USP47: variants seen among roughly 807,000 people sequenced by gnomAD.
USP47 encodes the protein ubiquitin carboxyl-terminal hydrolase 47.
Under a neutral mutation model 165.1 loss-of-function variants are expected in USP47, and 35 were observed. The ratio of observed to expected loss-of-function variants is 0.21; its 90% CI spans 0.16 to 0.28. The LOEUF is 0.28. Ranked by LOEUF, USP47 falls within the 10% of genes least tolerant of loss-of-function variation. The pLI is 1.00. For synonymous variants in USP47, 531 were observed against 544.5 expected (o/e 0.98, Z 0.35); for missense variants, 1,277 against 1,607.4 (o/e 0.79, Z 3.52).
At chr11:11,954,989 C>CT (rs759973769) in intron 26 of USP47, 45 bp downstream of exon 26, 10 of 1,613,404 alleles carry the variant, frequency 6.2e-6, no homozygotes, top group Non-Finnish European at 8.5e-6. Flanking sequence ...GCATGATAAA[C>CT]ACAGCTAGTG....
intron 8 of USP47, among the ~76,000 whole-genome samples, chr11:11,911,250 G>T (rs906230499): frequency 6.6e-6 from 1 of 152,094 alleles, no homozygotes; most frequent in African/African-American, 2.4e-5. Context: ...AAAAGGTTTA[G>T]CACTGTGTCA....
intron 1 of USP47, chr11:11,873,834 A>G: frequency 6.7e-7 from 1 of 1,490,854 alleles, no homozygotes; most frequent in Non-Finnish European, 8.9e-7. Flanking sequence ...AATATCTTTG[A>G]TGAAATGAAG....
At chr11:11,891,843 G>C in intron 3 of USP47, 125 bp from the exon 4 acceptor site, 1 of 1,170,842 alleles carries the variant, frequency 8.5e-7, no homozygotes, top group South Asian at 2.0e-5. Context: ...TTGGAAGGGG[G>C]CATGAGCACC....
intron 1 of USP47, among the ~76,000 whole-genome samples, chr11:11,848,013 A>C (rs139866351): frequency 6.6e-6 from 1 of 152,368 alleles, no homozygotes; most frequent in Non-Finnish European, 1.5e-5. Flanking sequence ...AAAGATGCTA[A>C]GTAACTTGCT....
At chr11:11,911,306 A>C (rs1346159888) in intron 8 of USP47, among the ~76,000 whole-genome samples, 1 of 152,194 alleles carries the variant, frequency 6.6e-6, no homozygotes, top group Non-Finnish European at 1.5e-5. Context: ...TGTGTCATTA[A>C]AGTCCTGAAA....
rs1029355801 is a variant in USP47, at chr11:11,957,346, A to T, written c.*1171A>T. On this transcript the variant is annotated 3_prime_UTR_variant, in exon 28 of 28. Coordinates refer to ENST00000527733, the MANE Select transcript of USP47 (RefSeq NM_001282659.2). ...TGATTTCATTGCAGAGTTTATTAGT[A>T]TCAGCAAGTTTTTGCTTTGCTAAAT... 7.0e-4 allele frequency: 107 copies of T among 152,632 alleles called. 7 individuals carry two copies. Among genetic ancestry groups the T allele is most frequent in the Non-Finnish European group, 1.5e-5 (1 of 68,034 alleles). 9.5% of individuals were successfully genotyped at this position (152,632 alleles called of 1,614,324 possible). A position where few individuals can be genotyped will look rare whatever the true frequency, so the allele number is the denominator to read the frequency against.
In USP47 at chr11:11,933,091, G is replaced by A. The variant is rs369461320; in HGVS notation, c.1739G>A (p.Arg580Gln). 8.7e-6 allele frequency: 14 copies of A among 1,613,084 alleles called. No individual in the cohort carries two copies. Among genetic ancestry groups the A allele is most frequent in the Middle Eastern group, 1.6e-4 (1 of 6,070 alleles). Residue 580 changes from arginine to glutamine, a missense_variant, in exon 15 of 28, where the codon CGA (arginine) becomes CAA (glutamine). This residue lies in a region of USP47 where 909 missense variants were observed against 1,068.1 expected (regional missense o/e 0.85). Transcript: ENST00000527733. Reference sequence around the variant, plus strand: ...TTGGAAGAACAAGAAAAGAGACAACGAGAAATTGAGCGCAATACATGCAAG... The same window carrying A: ...TTGGAAGAACAAGAAAAGAGACAACAAGAAATTGAGCGCAATACATGCAAG... ...RELEEQEKRQ[R>Q]EIERNTCKIK...
chr11:11,946,016 A>T (rs1855813035), intron 20 of USP47, among the ~76,000 whole-genome samples: 1 of 152,118 alleles, frequency 6.6e-6, no homozygotes, highest in African/African-American at 2.4e-5. Flanking sequence ...AAGGAAAATC[A>T]TAAATACATT....
rs1400298594 is a variant in USP47 at position 11,957,981 on chromosome 11, T to C, written c.*1806T>C. The C allele has an allele frequency of 1.3e-5, 2 of 152,214 alleles. No homozygotes were observed. The highest frequency in any genetic ancestry group is 4.8e-5 in the African/African-American group (2 of 41,454). The allele number at this position is 152,214 out of a possible 1,614,324, so 9.4% of individuals were successfully genotyped here. A position where few individuals can be genotyped will look rare whatever the true frequency, so the allele number is the denominator to read the frequency against. Reference sequence around the variant, plus strand: ...GATTGGTGATGTTCTCAGAAGAAAATTGGAAACACTTGTGATGAATTGTCT... The same window carrying C: ...GATTGGTGATGTTCTCAGAAGAAAACTGGAAACACTTGTGATGAATTGTCT... On this transcript the variant is annotated 3_prime_UTR_variant, in exon 28 of 28. Transcript: ENST00000527733.
In USP47 at chr11:11,959,510, T is replaced by A. The variant is rs1847362895; in HGVS notation, c.*3335T>A. On this transcript the variant is annotated 3_prime_UTR_variant, in exon 28 of 28. Coordinates refer to ENST00000527733, the MANE Select transcript of USP47 (RefSeq NM_001282659.2). The stretch of plus-strand genomic sequence containing the variant: ...AAATGAAGCTTGTGGCCACCTAGGT[T>A]TAGTGTACATGAAATTGGAAGATGC... Among the ~76,000 whole-genome samples the A allele has an allele frequency of 6.6e-6, 1 of 152,094 alleles. No individual in the cohort carries two copies. Among genetic ancestry groups the A allele is most frequent in the Admixed American group, 6.5e-5 (1 of 15,284 alleles).
At chr11:11,912,520 G>T (rs1363000703) in intron 8 of USP47, among the ~76,000 whole-genome samples, 1 of 151,942 alleles carries the variant, frequency 6.6e-6, no homozygotes, top group Non-Finnish European at 1.5e-5. Flanking sequence ...AACTGTTAAG[G>T]TAATTACATT....
chr11:11,955,922 G>A, intron 27 of USP47, 79 bp from the exon 28 acceptor site: 2 of 1,120,304 alleles, frequency 1.8e-6, no homozygotes, highest in Non-Finnish European at 2.5e-6. Flanking sequence ...TTGCTGAGGA[G>A]CATCATAGCA....
intron 1 of USP47, among the ~76,000 whole-genome samples, chr11:11,862,440 CTTG>C (rs1849437000): frequency 2.0e-5 from 3 of 150,912 alleles, no homozygotes; most frequent in Admixed American, 1.3e-4. Flanking sequence ...TTTTCATGTT[CTTG>C]TTGTGTCTTT....
In USP47 at chr11:11,930,072, A is replaced by G. The variant is rs753494348; in HGVS notation, c.1547A>G (p.His516Arg). Residue 516 changes from histidine to arginine, a missense_variant, in exon 13 of 28, where the codon CAT becomes CGT. Coordinates refer to ENST00000527733, the MANE Select transcript of USP47 (RefSeq NM_001282659.2). Reference sequence around the variant, plus strand: ...ACACAAGAGGACATTAAGAAAACACATGGTGGATCTTCAGGAAGCAGAGGA... The same window carrying G: ...ACACAAGAGGACATTAAGAAAACACGTGGTGGATCTTCAGGAAGCAGAGGA... ...RITQEDIKKT[H>R]GGSSGSRGYY... is the part of the protein sequence containing the mutation. 2.5e-6 allele frequency: 4 copies of G among 1,613,410 alleles called. No individual in the cohort carries two copies. The highest frequency in any genetic ancestry group is 3.4e-6 in the Non-Finnish European group (4 of 1,179,436).
chr11:11,859,547 A>G (rs1849253380), intron 1 of USP47, among the ~76,000 whole-genome samples: 1 of 152,182 alleles, frequency 6.6e-6, no homozygotes, highest in South Asian at 2.1e-4. Context: ...AAACCTTGTG[A>G]GAATGCCAGT....
chr11:11,876,635 A>G (rs1850437009), intron 1 of USP47, among the ~76,000 whole-genome samples: 1 of 152,178 alleles, frequency 6.6e-6, no homozygotes, highest in African/African-American at 2.4e-5. Context: ...GGAACGTCCA[A>G]AAGGCTTTTC....
At chr11:11,926,251 G>A (rs1854232547) in intron 11 of USP47, among the ~76,000 whole-genome samples, 1 of 152,104 alleles carries the variant, frequency 6.6e-6, no homozygotes, top group African/African-American at 2.4e-5. Context: ...GTTTGAGAAG[G>A]ATTCGTGTTA....
At chr11:11,932,256 AG>A in intron 14 of USP47, among the ~76,000 whole-genome samples, 1 of 152,284 alleles carries the variant, frequency 6.6e-6, no homozygotes, top group African/African-American at 2.4e-5. Context: ...GAAAGCACCA[AG>A]CCATGAGGCT....
At chr11:11,861,316 G>A (rs1041538608) in intron 1 of USP47, among the ~76,000 whole-genome samples, 1 of 151,992 alleles carries the variant, frequency 6.6e-6, no homozygotes, top group African/African-American at 2.4e-5. Flanking sequence ...GGGTGGTCTC[G>A]AACTCCTGAC....
Sources: gnomAD v4.1 joint callset for allele counts (sites outside exome capture counted in the v4.1 genomes callset) on GRCh38, gnomAD v4.1.1 for gene constraint, gnomAD v4.1.1 regional missense constraint, MANE v1.5 for transcripts, NCBI Gene and HGNC (gene_info 2026-07-23, HGNC 2026-07-21) for gene names.